CFAP95: variants seen among roughly 807,000 people sequenced by gnomAD.
CFAP95 encodes cilia and flagella associated protein 95, also known as cilia- and flagella-associated protein 95.
chr9:69,837,000 G>A, the CFAP95 span, among the ~76,000 whole-genome samples: 49 of 150,900 alleles, frequency 3.2e-4, no homozygotes, highest in African/African-American at 1.0e-3. Flanking sequence ...CTGTTCTTGC[G>A]ATAGTTTACT....
At chr9:69,847,837 A>T in the CFAP95 span, among the ~76,000 whole-genome samples, 1 of 152,202 alleles carries the variant, frequency 6.6e-6, no homozygotes, top group Non-Finnish European at 1.5e-5. Flanking sequence ...GCAGGAGCTA[A>T]TATGAGCATC....
At chr9:69,884,613 A>G in the CFAP95 span, 1 of 152,058 alleles carries the variant, frequency 6.6e-6, no homozygotes, top group African/African-American at 2.4e-5. Flanking sequence ...CAACCTCCTG[A>G]GTAGCTGGGA....
At chr9:69,877,294 A>C in the CFAP95 span, among the ~76,000 whole-genome samples, 1 of 152,104 alleles carries the variant, frequency 6.6e-6, no homozygotes, top group Non-Finnish European at 1.5e-5. Context: ...CTATTTTTAT[A>C]CTGACTCTCT....
the CFAP95 span, among the ~76,000 whole-genome samples, chr9:69,869,691 C>T: frequency 6.4e-3 from 977 of 151,666 alleles, 11 homozygotes; most frequent in African/African-American, 0.022. Flanking sequence ...AAATATATAT[C>T]AAAACATTAT....
chr9:69,832,432 G>A, the CFAP95 span, among the ~76,000 whole-genome samples: 68 of 152,216 alleles, frequency 4.5e-4, no homozygotes, highest in Non-Finnish European at 7.8e-4. Context: ...AATGTGGTAA[G>A]TCTTGCTCCT....
the CFAP95 span, among the ~76,000 whole-genome samples, chr9:69,835,428 C>T: frequency 4.6e-5 from 7 of 152,216 alleles, no homozygotes; most frequent in Non-Finnish European, 1.0e-4. Flanking sequence ...AAAGTTTTCT[C>T]ATTCAGCAAG....
chr9:69,869,223 C>T, the CFAP95 span, among the ~76,000 whole-genome samples: 1,342 of 152,238 alleles, frequency 8.8e-3, 22 homozygotes, highest in Non-Finnish European at 0.013. Context: ...TATTCACAAT[C>T]GCCAAGATAC....
chr9:69,877,430 A>G, the CFAP95 span, among the ~76,000 whole-genome samples: 2 of 152,186 alleles, frequency 1.3e-5, no homozygotes, highest in Admixed American at 6.5e-5. Context: ...CATTATATCC[A>G]CCATTCCACA....
chr9:69,900,025 T>C, the CFAP95 span, among the ~76,000 whole-genome samples: 4 of 152,190 alleles, frequency 2.6e-5, no homozygotes, highest in Non-Finnish European at 4.4e-5. Flanking sequence ...CTTACAATTT[T>C]TTGACTTTAT....
At chr9:69,823,628 C>T in the CFAP95 span, among the ~76,000 whole-genome samples, 66 of 152,294 alleles carry the variant, frequency 4.3e-4, no homozygotes, top group African/African-American at 1.6e-3. Flanking sequence ...GTTTCGCTCA[C>T]GTGCATTTGA....
the CFAP95 span, among the ~76,000 whole-genome samples, chr9:69,836,516 A>T: frequency 6.6e-6 from 1 of 151,960 alleles, no homozygotes; most frequent in Admixed American, 6.6e-5. Context: ...CCCTTCTCCA[A>T]CCAGATTGAA....
the CFAP95 span, chr9:69,886,990 C>A: frequency 1.1e-6 from 1 of 898,242 alleles, no homozygotes; most frequent in Non-Finnish European, 1.8e-6. Flanking sequence ...GGAGAAATTG[C>A]TAAAGCTTAT....
chr9:69,864,342 T>G, the CFAP95 span, among the ~76,000 whole-genome samples: 6 of 152,152 alleles, frequency 3.9e-5, 1 homozygote, highest in East Asian at 1.9e-4. Flanking sequence ...TGTGTGTGTG[T>G]GTGGGTGTTT....
the CFAP95 span, among the ~76,000 whole-genome samples, chr9:69,900,151 TGCATATACACCCACAG>T: frequency 4.6e-5 from 7 of 152,110 alleles, no homozygotes; most frequent in Non-Finnish European, 1.0e-4. Context: ...TAGGTGTGTG[TGCATATACACCCACAG>T]CTGTGAGTCC....
chr9:69,902,189 A>G, the CFAP95 span: 3 of 363,308 alleles, frequency 8.3e-6, no homozygotes, highest in Admixed American at 3.6e-5. Flanking sequence ...AAATTGGCAC[A>G]TAATGTTGGC....
the CFAP95 span, among the ~76,000 whole-genome samples, chr9:69,848,086 G>A: frequency 6.6e-6 from 1 of 152,172 alleles, no homozygotes; most frequent in Non-Finnish European, 1.5e-5. Flanking sequence ...TTTGGAGAGT[G>A]TGCTCTAAGT....
At chr9:69,881,063 A>C in the CFAP95 span, among the ~76,000 whole-genome samples, 2 of 152,052 alleles carry the variant, frequency 1.3e-5, no homozygotes, top group Non-Finnish European at 2.9e-5. Flanking sequence ...TCTGGTAACT[A>C]ATCCCTTGTC....
At chr9:69,838,558 C>T in the CFAP95 span, among the ~76,000 whole-genome samples, 1 of 151,544 alleles carries the variant, frequency 6.6e-6, no homozygotes, top group Non-Finnish European at 1.5e-5. Context: ...TATAAGAATG[C>T]TTGTGATTTT....
the CFAP95 span, among the ~76,000 whole-genome samples, chr9:69,886,163 A>T: frequency 5.9e-5 from 9 of 152,236 alleles, no homozygotes; most frequent in African/African-American, 2.2e-4. Flanking sequence ...CTTCATTATT[A>T]GATTGTCATG....
Sources: allele counts gnomAD v4.1 joint callset (sites outside exome capture counted in the v4.1 genomes callset), GRCh38; gene constraint gnomAD v4.1.1; transcripts MANE v1.5; gene names NCBI Gene and HGNC (gene_info 2026-07-23, HGNC 2026-07-21).